The following ANK3 variants were observed in gnomAD, a reference collection of about 807,000 sequenced individuals.
ANK3 encodes ankyrin-3.
ANK3 carries 57 observed loss-of-function variants against 370.9 expected under a neutral mutation model. The observed-to-expected ratio is 0.15, with a 90% CI of 0.12 to 0.19. The LOEUF (loss-of-function observed/expected upper bound fraction) is 0.19. ANK3 is among the 10% of genes least tolerant of loss of function. The pLI is 1.00. For missense variants in ANK3, 4,439 were observed against 5,302.1 expected (o/e 0.84, Z 5.06); for synonymous variants, 1,929 against 1,946.3 (o/e 0.99, Z 0.23).
At chr10:60,686,061 A>T (rs55781507) in intron 1 of ANK3, among the ~76,000 whole-genome samples, 1,639 of 152,262 alleles carry the variant, frequency 0.011, 29 homozygotes, top group African/African-American at 0.037. Context: ...TTTTTATGCA[A>T]ATTGACAAAC....
intron 8 of ANK3, among the ~76,000 whole-genome samples, chr10:60,231,778 C>G (rs1269661201): frequency 6.6e-6 from 1 of 152,176 alleles, no homozygotes. Flanking sequence ...CCAACTGACA[C>G]CCTTCCCCCA....
intron 1 of ANK3, among the ~76,000 whole-genome samples, chr10:60,719,656 A>C (rs2079836370): frequency 6.6e-6 from 1 of 152,180 alleles, no homozygotes; most frequent in South Asian, 2.1e-4. Context: ...TTCATACCCC[A>C]GAGCCATTTA....
chr10:60,293,209 T>C (rs1051439402), intron 1 of ANK3, among the ~76,000 whole-genome samples: 2 of 152,172 alleles, frequency 1.3e-5, no homozygotes, highest in Non-Finnish European at 2.9e-5. Flanking sequence ...GCTTTAAACA[T>C]CCCCCTCCTG....
intron 2 of ANK3, among the ~76,000 whole-genome samples, chr10:60,601,666 C>T (rs879372662): frequency 1.3e-5 from 2 of 152,024 alleles, no homozygotes; most frequent in African/African-American, 4.8e-5. Flanking sequence ...TAAAAAAGGA[C>T]ATTAGGGAGA....
intron 1 of ANK3, among the ~76,000 whole-genome samples, chr10:60,343,295 T>A (rs977719871): frequency 3.3e-5 from 5 of 151,952 alleles, no homozygotes; most frequent in African/African-American, 1.2e-4. Context: ...AAAATAAAAA[T>A]TAATGGTTTA....
At chr10:60,148,330 C>A (rs2094929550) in intron 23 of ANK3, among the ~76,000 whole-genome samples, 1 of 151,968 alleles carries the variant, frequency 6.6e-6, no homozygotes, top group African/African-American at 2.4e-5. Flanking sequence ...TTTATTAACC[C>A]AAACAAGATC....
intron 2 of ANK3, among the ~76,000 whole-genome samples, chr10:60,453,483 T>C (rs1196308235): frequency 6.6e-6 from 1 of 152,196 alleles, no homozygotes; most frequent in East Asian, 1.9e-4. Flanking sequence ...CCCAAACGTA[T>C]CTGTGCATGT....
intron 27 of ANK3, among the ~76,000 whole-genome samples, chr10:60,106,927 G>A (rs949252763): frequency 6.6e-6 from 1 of 152,114 alleles, no homozygotes; most frequent in Non-Finnish European, 1.5e-5. Flanking sequence ...TAAGTAGACA[G>A]TATCATTATT....
chr10:60,166,725 A>G (rs1591131111), intron 22 of ANK3, 72 bp from the exon 23 acceptor site: 2 of 1,585,524 alleles, frequency 1.3e-6, no homozygotes, highest in African/African-American at 2.7e-5. Context: ...AAACGTTTCA[A>G]TATTCCTGAT....
At chr10:60,196,917 A>G (rs2096595980) in intron 14 of ANK3, among the ~76,000 whole-genome samples, 1 of 152,110 alleles carries the variant, frequency 6.6e-6, no homozygotes, top group Admixed American at 6.5e-5. Flanking sequence ...TTGGTTCTGG[A>G]AGTCTTCAGG....
chr10:60,426,368 C>T (rs2063887675), intron 2 of ANK3, among the ~76,000 whole-genome samples: 2 of 152,244 alleles, frequency 1.3e-5, no homozygotes, highest in South Asian at 4.1e-4. Context: ...TGCGATACTA[C>T]TGTCTTCTAT....
rs61461746 is a variant in ANK3, at chr10:60,643,500, A to ATATCTATCTATCTATC, written c.58-28292_58-28277dup. 4.0e-3 allele frequency among the ~76,000 whole-genome samples: 580 copies of ATATCTATCTATCTATC among 146,804 alleles called. 7 individuals carry two copies. Among genetic ancestry groups the ATATCTATCTATCTATC allele is most frequent in the Middle Eastern group, 0.021 (6 of 290 alleles). On this transcript the variant is annotated intron_variant, in intron 1 of 43. Transcript: ENST00000373827. ...GTTAATACTTAATAAACTCCCCTTT[A>ATATCTATCTATCTATC]TATCTATCTATCTATCTATCTATCT...
intron 41 of ANK3, among the ~76,000 whole-genome samples, chr10:60,057,519 G>T (rs527533111): frequency 1.3e-5 from 2 of 152,068 alleles, no homozygotes; most frequent in Non-Finnish European, 2.9e-5. Flanking sequence ...TATGTGTAAG[G>T]ATAAACAATC....
chr10:60,182,870 C>A (rs559844757), intron 17 of ANK3, among the ~76,000 whole-genome samples: 1 of 152,294 alleles, frequency 6.6e-6, no homozygotes, highest in Admixed American at 6.5e-5. Flanking sequence ...AAGCCAGAGC[C>A]AAAATTGGCA....
At chr10:60,239,642 G>A (rs972647658) in intron 7 of ANK3, among the ~76,000 whole-genome samples, 5 of 152,084 alleles carry the variant, frequency 3.3e-5, no homozygotes, top group Non-Finnish European at 2.9e-5. Context: ...GTAGGAATAT[G>A]ACAGTAAACA....
intron 1 of ANK3, among the ~76,000 whole-genome samples, chr10:60,292,437 T>G (rs2041616313): frequency 6.6e-6 from 1 of 152,190 alleles, no homozygotes; most frequent in South Asian, 2.1e-4. Context: ...GGAGAATTTT[T>G]TTTTTCTTAA....
intron 1 of ANK3, among the ~76,000 whole-genome samples, chr10:60,625,298 G>A (rs566301261): frequency 5.3e-5 from 8 of 152,298 alleles, no homozygotes; most frequent in Admixed American, 4.6e-4. Flanking sequence ...AGAGCCATGA[G>A]AGATGATAAT....
At position 60,522,806 on chromosome 10, in the gene ANK3, G is replaced by T. The variant is rs139351065; in HGVS notation, c.96+92380C>A. Among the ~76,000 whole-genome samples, 32 of 152,092 alleles carry T rather than the reference G, an allele frequency of 2.1e-4. No individual in the cohort carries two copies. In the East Asian group the frequency reaches 5.6e-3, roughly 27 times the overall value. On this transcript the variant is annotated intron_variant, in intron 2 of 43. Transcript: ENST00000373827. ...GAATATGAAACAGACATGTTTCAAA[G>T]ATCTTATTGAAATCCTTAAATTAAT...
At chr10:60,268,254 A>G (rs1257389756) in intron 5 of ANK3, among the ~76,000 whole-genome samples, 1 of 152,232 alleles carries the variant, frequency 6.6e-6, no homozygotes, top group African/African-American at 2.4e-5. Context: ...GTACATTCTC[A>G]TGATAAAAAT....
Sources: allele counts gnomAD v4.1 joint callset (sites outside exome capture counted in the v4.1 genomes callset), GRCh38; gene constraint gnomAD v4.1.1; transcripts MANE v1.5; gene names NCBI Gene and HGNC (gene_info 2026-07-23, HGNC 2026-07-21).